The following ATIC variants were observed in gnomAD, a reference collection of about 807,000 sequenced individuals.
The protein encoded by ATIC is 5-aminoimidazole-4-carboxamide ribonucleotide formyltransferase/IMP cyclohydrolase.
A neutral mutation model predicts 72.5 loss-of-function variants in ATIC; 64 were observed. That is an observed-to-expected ratio of 0.88 (90% CI 0.72 to 1.09). The LOEUF (loss-of-function observed/expected upper bound fraction) is 1.09. Ranked by LOEUF, ATIC falls within the 50% of genes least tolerant of loss-of-function variation. ATIC has a pLI of 0.00. For missense variants in ATIC, 787 were observed against 732.4 expected (o/e 1.07, Z -0.86); for synonymous variants, 281 against 267.1 (o/e 1.05, Z -0.51).
Position 215,312,082 on chromosome 2 carries a change from C to A in ATIC, c.-61C>A. The A allele has an allele frequency of 6.5e-7, 1 of 1,529,666 alleles. No individual in the cohort carries two copies. Among genetic ancestry groups the A allele is most frequent in the African/African-American group, 1.4e-5 (1 of 72,366 alleles). The allele number at this position is 1,529,666 out of a possible 1,614,324, so 94.8% of individuals were successfully genotyped here. A position where few individuals can be genotyped will look rare whatever the true frequency, so the allele number is the denominator to read the frequency against. On this transcript the variant is annotated 5_prime_UTR_variant, in exon 1 of 16. Coordinates refer to ENST00000236959, the MANE Select transcript of ATIC (RefSeq NM_004044.7). ...CCGCCACATCCCGGCAGCCCTCCTACCTGCGCACGTGGTGCCGCCGCTGCT... is the reference window on the plus strand; with the variant it reads ...CCGCCACATCCCGGCAGCCCTCCTAACTGCGCACGTGGTGCCGCCGCTGCT...
At chr2:215,365,648 G>A in the ATIC span, 2 of 1,613,626 alleles carry the variant, frequency 1.2e-6, no homozygotes, top group Non-Finnish European at 1.7e-6. Flanking sequence ...GGTGGGGAAA[G>A]TCAGGACCAA....
intron 2 of ATIC, among the ~76,000 whole-genome samples, chr2:215,313,800 T>C (rs557978434): frequency 6.6e-6 from 1 of 152,284 alleles, no homozygotes; most frequent in South Asian, 2.1e-4. Flanking sequence ...TATTTTCGGA[T>C]GTCTTTTTGC....
intron 7 of ATIC, among the ~76,000 whole-genome samples, chr2:215,327,856 G>A (rs944970449): frequency 4.0e-5 from 6 of 151,252 alleles, no homozygotes; most frequent in Non-Finnish European, 7.4e-5. Context: ...GTTTCTTCAC[G>A]TTTGCCGCGT....
At chr2:215,368,564 A>G in the ATIC span, among the ~76,000 whole-genome samples, 3 of 152,266 alleles carry the variant, frequency 2.0e-5, no homozygotes, top group Non-Finnish European at 2.9e-5. Context: ...AATAAAGAAT[A>G]ATTATTAAAG....
chr2:215,322,456 A>G (rs1436834545), intron 4 of ATIC, among the ~76,000 whole-genome samples: 1 of 151,316 alleles, frequency 6.6e-6, no homozygotes, highest in Non-Finnish European at 1.5e-5. Flanking sequence ...CAGCCTCGCA[A>G]GTAGCTGTGA....
chr2:215,328,147 TAC>T (rs1452009361), intron 7 of ATIC, among the ~76,000 whole-genome samples: 3 of 152,034 alleles, frequency 2.0e-5, no homozygotes, highest in Non-Finnish European at 4.4e-5. Flanking sequence ...GTGCTGGGAT[TAC>T]AGGCGTGAGC....
At chr2:215,361,383 C>T in the ATIC span, 2 of 710,030 alleles carry the variant, frequency 2.8e-6, no homozygotes, top group Admixed American at 2.0e-5. Flanking sequence ...TCAGGAAACT[C>T]CCAGGGTGAT....
At chr2:215,325,043 C>A (rs1161695109) in intron 4 of ATIC, 198 bp from the exon 5 acceptor site, 1 of 536,734 alleles carries the variant, frequency 1.9e-6, no homozygotes. Context: ...GACTAAATTA[C>A]CTCTGCTCGA....
downstream of ATIC, among the ~76,000 whole-genome samples, chr2:215,350,789 GCTC>G (rs145564814): frequency 6.6e-6 from 1 of 152,268 alleles, no homozygotes; most frequent in African/African-American, 2.4e-5. Context: ...CTGCCTGTGT[GCTC>G]CTGACCATTC....
chr2:215,367,869 A>C, the ATIC span: 2 of 1,614,016 alleles, frequency 1.2e-6, no homozygotes, highest in Non-Finnish European at 1.7e-6. Flanking sequence ...TCACTAGATG[A>C]ATCACATCTG....
At chr2:215,360,025 G>T in the ATIC span, among the ~76,000 whole-genome samples, 2 of 152,120 alleles carry the variant, frequency 1.3e-5, no homozygotes, top group Admixed American at 6.5e-5. Flanking sequence ...TGCAACCTCC[G>T]CCTTCTGGGT....
At chr2:215,358,914 A>C in the ATIC span, among the ~76,000 whole-genome samples, 1 of 152,142 alleles carries the variant, frequency 6.6e-6, no homozygotes, top group South Asian at 2.1e-4. Flanking sequence ...ACGAAGTCTC[A>C]CTCTGTCGCC....
chr2:215,323,180 C>T (rs978311379), intron 4 of ATIC, among the ~76,000 whole-genome samples: 2 of 151,934 alleles, frequency 1.3e-5, no homozygotes, highest in African/African-American at 2.4e-5. Context: ...CTCCTGACCT[C>T]GTGATCCGCC....
At chr2:215,339,312 G>GTT (rs2052991141) in intron 12 of ATIC, among the ~76,000 whole-genome samples, 1 of 152,204 alleles carries the variant, frequency 6.6e-6, no homozygotes, top group African/African-American at 2.4e-5. Context: ...GAGGTCAGGA[G>GTT]TTTAAGACCA....
chr2:215,364,061 T>C, the ATIC span, among the ~76,000 whole-genome samples: 2 of 152,210 alleles, frequency 1.3e-5, no homozygotes, highest in Admixed American at 1.3e-4. Flanking sequence ...CAGTTCATGC[T>C]TCTCTTTCTT....
Position 215,312,610 on chromosome 2 carries a change from T to G in ATIC, c.132T>G (p.Ala44=). The part of the protein sequence containing the change: ...SGGTAKALRD[A]GLAVRDVSEL... ...GGACTGCAAAAGCTCTCAGGGATGCTGGTCTGGCAGTCAGGTAAGGCATAG... is the reference window on the plus strand; with the variant it reads ...GGACTGCAAAAGCTCTCAGGGATGCGGGTCTGGCAGTCAGGTAAGGCATAG... Residue 44 remains alanine (A), a synonymous_variant, in exon 2 of 16, where the codon GCT becomes GCG. Coordinates refer to ENST00000236959, the MANE Select transcript of ATIC (RefSeq NM_004044.7). The G allele has an allele frequency of 6.2e-7, 1 of 1,614,162 alleles. No homozygotes were observed. The highest frequency in any genetic ancestry group is 8.5e-7 in the Non-Finnish European group (1 of 1,179,972).
intron 15 of ATIC, 86 bp downstream of exon 15, chr2:215,349,335 T>C (rs186001156): frequency 9.4e-6 from 15 of 1,594,772 alleles, no homozygotes; most frequent in African/African-American, 6.7e-5. Flanking sequence ...TTTTAAAAGG[T>C]GTGGCAAAGT....
downstream of ATIC, among the ~76,000 whole-genome samples, chr2:215,352,380 G>A (rs1026296549): frequency 2.6e-5 from 4 of 152,022 alleles, no homozygotes; most frequent in Non-Finnish European, 4.4e-5. Context: ...TCAGGAGTTC[G>A]AGACCAGCCT....
the ATIC span, among the ~76,000 whole-genome samples, chr2:215,367,021 G>A: frequency 2.6e-5 from 4 of 152,142 alleles, no homozygotes; most frequent in Non-Finnish European, 4.4e-5. Flanking sequence ...TACAAGTTAA[G>A]TAAAATACTT....
Sources: allele counts gnomAD v4.1 joint callset (sites outside exome capture counted in the v4.1 genomes callset), GRCh38; gene constraint gnomAD v4.1.1; transcripts MANE v1.5; gene names NCBI Gene and HGNC (gene_info 2026-07-23, HGNC 2026-07-21).